The following ARHGAP32 variants were observed in gnomAD, a reference collection of about 807,000 sequenced individuals.
ARHGAP32 encodes the protein Rho GTPase activating protein 32, also known as rho GTPase-activating protein 32.
In ARHGAP32, 51 loss-of-function variants were observed where a neutral mutation model predicts 186.5. The ratio of observed to expected loss-of-function variants is 0.27; its 90% CI spans 0.22 to 0.35. ARHGAP32 has a LOEUF of 0.35. ARHGAP32 is among the 10% of genes least tolerant of loss of function. The pLI is 1.00. For missense variants in ARHGAP32, 2,186 were observed against 2,623.5 expected (o/e 0.83, Z 3.64); for synonymous variants, 950 against 964.3 (o/e 0.99, Z 0.27).
intron 11 of ARHGAP32, among the ~76,000 whole-genome samples, chr11:129,000,915 TA>T (rs1235675059): frequency 1.3e-5 from 2 of 152,230 alleles, no homozygotes; most frequent in African/African-American, 4.8e-5. Context: ...TCACTTAATA[TA>T]ATGGTGTCCA....
At chr11:129,063,253 T>C (rs1180396538) in intron 9 of ARHGAP32, among the ~76,000 whole-genome samples, 1 of 152,136 alleles carries the variant, frequency 6.6e-6, no homozygotes, top group Non-Finnish European at 1.5e-5. Context: ...GTACAGAACC[T>C]AAAAGTTTGA....
chr11:129,269,784 G>T (rs1186050429), intron 1 of ARHGAP32, among the ~76,000 whole-genome samples: 2 of 152,040 alleles, frequency 1.3e-5, no homozygotes, highest in African/African-American at 4.8e-5. Context: ...AAGACAGAAC[G>T]TGCTTTTATT....
intron 10 of ARHGAP32, among the ~76,000 whole-genome samples, chr11:129,047,416 T>C (rs1268579632): frequency 1.3e-5 from 2 of 152,162 alleles, no homozygotes; most frequent in African/African-American, 4.8e-5. Context: ...CCCTTCACAT[T>C]TCCCCCCAAG....
At chr11:129,041,335 A>T (rs963555261) in intron 10 of ARHGAP32, among the ~76,000 whole-genome samples, 2 of 152,108 alleles carry the variant, frequency 1.3e-5, no homozygotes, top group Admixed American at 1.3e-4. Context: ...AAAATTTTAT[A>T]ATTTAATAAT....
At chr11:129,169,805 T>G (rs542394641) in intron 1 of ARHGAP32, among the ~76,000 whole-genome samples, 16 of 152,184 alleles carry the variant, frequency 1.1e-4, no homozygotes, top group Middle Eastern at 3.4e-3. Flanking sequence ...AAAATTAATC[T>G]GTAAGGAAAC....
chr11:129,107,553 A>G (rs1942081834), intron 5 of ARHGAP32, among the ~76,000 whole-genome samples: 1 of 152,200 alleles, frequency 6.6e-6, no homozygotes, highest in Non-Finnish European at 1.5e-5. Flanking sequence ...TGACTTAATG[A>G]TGGCGATTGA....
intron 1 of ARHGAP32, among the ~76,000 whole-genome samples, chr11:129,253,206 T>C (rs1184123684): frequency 6.6e-6 from 1 of 152,156 alleles, no homozygotes; most frequent in African/African-American, 2.4e-5. Context: ...CTATTCACTA[T>C]CTTGCTTTGC....
At chr11:129,090,370 C>G (rs1211627121) in intron 6 of ARHGAP32, among the ~76,000 whole-genome samples, 1 of 152,128 alleles carries the variant, frequency 6.6e-6, no homozygotes, top group Non-Finnish European at 1.5e-5. Context: ...TACCATGACA[C>G]AAGAGCATTC....
At chr11:129,074,463 C>T (rs1206627327) in intron 6 of ARHGAP32, among the ~76,000 whole-genome samples, 1 of 152,082 alleles carries the variant, frequency 6.6e-6, no homozygotes, top group Non-Finnish European at 1.5e-5. Context: ...TAATGTATAT[C>T]ACAACCTGTA....
In ARHGAP32 at chr11:128,976,617, T is replaced by C. The variant is rs1945548906; in HGVS notation, c.2140A>G (p.Thr714Ala). The C allele has an allele frequency of 1.2e-6, 2 of 1,613,978 alleles. No homozygotes were observed. Among genetic ancestry groups the C allele is most frequent in the South Asian group, 2.2e-5 (2 of 91,072 alleles). The change falls in exon 20 of 23, where the codon ACC becomes GCC. Residue 714 changes from threonine (T) to alanine (A), a missense_variant. Transcript: ENST00000682385. ...TCCTCACTTTTAGCTGAACGGAGGG[T>C]TCCTTCTGCCCTGCCACCTGAAGAA... ...MALKGGRAEG[T>A]LRSAKSEESL...
At chr11:129,121,566 CT>C (rs376224399) in intron 5 of ARHGAP32, among the ~76,000 whole-genome samples, 63 of 152,164 alleles carry the variant, frequency 4.1e-4, no homozygotes, top group African/African-American at 1.5e-3. Context: ...TGAACCACCC[CT>C]ATCTTCCATA....
intron 1 of ARHGAP32, among the ~76,000 whole-genome samples, chr11:129,177,297 A>C (rs1277149483): frequency 6.6e-6 from 1 of 152,112 alleles, no homozygotes; most frequent in Non-Finnish European, 1.5e-5. Flanking sequence ...AATAATCAAT[A>C]GCTTACCAAC....
chr11:128,981,949 T>A lies in ARHGAP32; in HGVS notation c.1527-13A>T. On this transcript the variant is annotated splice_polypyrimidine_tract_variant and intron_variant, in intron 15 of 22. Transcript: ENST00000682385. ...GAACTCCAGTGTTCTGGAAATAAAA[T>A]ACAACATATTAACAGAAAGAAACAT... The A allele has an allele frequency of 6.8e-7, 1 of 1,481,092 alleles. No individual in the cohort carries two copies. The highest frequency in any genetic ancestry group is 9.4e-7 in the Non-Finnish European group (1 of 1,065,728). The allele number at this position is 1,481,092 out of a possible 1,614,324, so 91.7% of individuals were successfully genotyped here.
At chr11:129,264,363 A>T (rs1284257785) in intron 1 of ARHGAP32, among the ~76,000 whole-genome samples, 1 of 152,246 alleles carries the variant, frequency 6.6e-6, no homozygotes, top group African/African-American at 2.4e-5. Context: ...CACCTAAAAA[A>T]TGGCTAAGAT....
At chr11:128,996,162 C>T (rs1228071129) in intron 12 of ARHGAP32, among the ~76,000 whole-genome samples, 1 of 152,092 alleles carries the variant, frequency 6.6e-6, no homozygotes, top group East Asian at 1.9e-4. Context: ...AATGGTATTT[C>T]AAAATCGCCT....
In ARHGAP32 at chr11:128,967,962, A is replaced by G. The variant is rs1945257592; in HGVS notation, c.*945T>C. On this transcript the variant is annotated 3_prime_UTR_variant, in exon 23 of 23. Coordinates refer to ENST00000682385, the MANE Select transcript of ARHGAP32 (RefSeq NM_001378024.1). ...TTTTTTTTTTAATGAAAGAAAGTTGATAATTTAGGAAAACCAATGGTATGA... is the reference window on the plus strand; with the variant it reads ...TTTTTTTTTTAATGAAAGAAAGTTGGTAATTTAGGAAAACCAATGGTATGA... 7.5e-6 allele frequency: 1 copy of G among 133,034 alleles called. No homozygotes were observed. 8.2% of individuals were successfully genotyped at this position (133,034 alleles called of 1,614,324 possible). A position where few individuals can be genotyped will look rare whatever the true frequency, so the allele number is the denominator to read the frequency against.
chr11:129,252,605 G>A (rs1316933729), intron 1 of ARHGAP32, among the ~76,000 whole-genome samples: 1 of 152,204 alleles, frequency 6.6e-6, no homozygotes, highest in Non-Finnish European at 1.5e-5. Context: ...CATCTGAGTA[G>A]GAGGGGCAAG....
chr11:129,279,243 G>GCCGCCGCCGCCGAGCGCCGC (rs1388302734), exon 1 of ARHGAP32: 1 of 842 alleles, frequency 1.2e-3, no homozygotes, highest in African/African-American at 2.3e-3. Flanking sequence ...CCCTCCGCCC[G>GCCGCCGCCGCCGAGCGCCGC]CCGCCGCCGC....
At position 128,968,862 on chromosome 11, in the gene ARHGAP32, T is replaced by A; in HGVS notation, c.*45A>T. ...TTGGTTATTGAAAAAAATAGAACAG[T>A]CCACTGTCCAGCAGAGGCTGCTTCA... On this transcript the variant is annotated 3_prime_UTR_variant, in exon 23 of 23. Coordinates refer to ENST00000682385, the MANE Select transcript of ARHGAP32 (RefSeq NM_001378024.1). 1 of 1,348,210 alleles carries A rather than the reference T, an allele frequency of 7.4e-7. No individual in the cohort carries two copies. The highest frequency in any genetic ancestry group is 9.6e-7 in the Non-Finnish European group (1 of 1,036,724). The allele number at this position is 1,348,210 out of a possible 1,614,324, so 83.5% of individuals were successfully genotyped here.
Sources: allele counts gnomAD v4.1 joint callset (sites outside exome capture counted in the v4.1 genomes callset), GRCh38; gene constraint gnomAD v4.1.1; transcripts MANE v1.5; gene names NCBI Gene and HGNC (gene_info 2026-07-23, HGNC 2026-07-21).